Variants in TBC1D5 observed in about 807,000 individuals in gnomAD.
The protein encoded by TBC1D5 is TBC1 domain family member 5.
Under a neutral mutation model 100.3 loss-of-function variants are expected in TBC1D5, and 75 were observed. The ratio of observed to expected loss-of-function variants is 0.75; its 90% confidence interval spans 0.62 to 0.91. The LOEUF is 0.91. Ranked by LOEUF, TBC1D5 falls within the 40% of genes least tolerant of loss-of-function variation. The pLI is 0.00. For synonymous variants in TBC1D5, 323 were observed against 325.6 expected (o/e 0.99, Z 0.09); for missense variants, 910 against 942.4 (o/e 0.97, Z 0.45).
At chr3:17,508,586 G>A (rs1361558067) in exon 3 of TBC1D5, 3 of 1,595,056 alleles carry the variant, frequency 1.9e-6, no homozygotes, top group African/African-American at 1.3e-5. Context: ...GAACTGGACA[G>A]CGTCACCAAA....
At chr3:17,168,350 A>T (rs2066847329) in intron 19 of TBC1D5, among the ~76,000 whole-genome samples, 1 of 152,182 alleles carries the variant, frequency 6.6e-6, no homozygotes, top group Non-Finnish European at 1.5e-5. Flanking sequence ...GGCACTACAG[A>T]TTGTCATTAG....
chr3:17,534,235 A>G (rs1162503585), intron 2 of TBC1D5, among the ~76,000 whole-genome samples: 1 of 152,120 alleles, frequency 6.6e-6, no homozygotes, highest in Non-Finnish European at 1.5e-5. Context: ...CTAACATACT[A>G]TGGGGAGAAA....
chr3:17,706,856 G>C (rs2074234544), intron 1 of TBC1D5, among the ~76,000 whole-genome samples: 1 of 150,364 alleles, frequency 6.7e-6, no homozygotes, highest in Non-Finnish European at 1.5e-5. Flanking sequence ...TTTTAAGAAA[G>C]ACCTTTTTTT....
At chr3:17,303,584 T>C (rs1187645807) in intron 14 of TBC1D5, among the ~76,000 whole-genome samples, 1 of 152,166 alleles carries the variant, frequency 6.6e-6, no homozygotes, top group African/African-American at 2.4e-5. Context: ...CCCCTTCACG[T>C]ACTCCAACCA....
At position 17,374,101 on chromosome 3, in the gene TBC1D5, C is replaced by T. The variant is rs571145391; in HGVS notation, c.822+370G>A. 1.6e-4 allele frequency among the ~76,000 whole-genome samples: 25 copies of T among 152,082 alleles called. No individual in the cohort carries two copies. In the South Asian group the frequency reaches 4.4e-3, roughly 27 times the overall value. On this transcript the variant is annotated intron_variant, in intron 12 of 21. Coordinates refer to ENST00000253692, the Ensembl canonical transcript of TBC1D5. ...GCTAAATGTATGAATTCAATAGCAA[C>T]GCACTGGTAAAAGCAAAACAACCTA...
chr3:17,407,124 T>C (rs552039791), intron 4 of TBC1D5, among the ~76,000 whole-genome samples: 2 of 152,214 alleles, frequency 1.3e-5, no homozygotes, highest in South Asian at 2.1e-4. Flanking sequence ...CTGTAAAAAC[T>C]GTTAAAGGCA....
intron 1 of TBC1D5, among the ~76,000 whole-genome samples, chr3:17,716,053 A>T (rs2075212584): frequency 6.6e-6 from 1 of 151,972 alleles, no homozygotes; most frequent in Non-Finnish European, 1.5e-5. Flanking sequence ...ATTCCATCTC[A>T]AAAAAAAGAA....
At chr3:17,701,187 GAT>G (rs2073134476) in intron 1 of TBC1D5, among the ~76,000 whole-genome samples, 1 of 152,088 alleles carries the variant, frequency 6.6e-6, no homozygotes, top group African/African-American at 2.4e-5. Flanking sequence ...CAGGGACATG[GAT>G]GAAGCTGGAA....
chr3:17,651,800 G>A (rs572535204), intron 1 of TBC1D5, among the ~76,000 whole-genome samples: 1 of 152,112 alleles, frequency 6.6e-6, no homozygotes, highest in African/African-American at 2.4e-5. Flanking sequence ...TAGGTGAGGA[G>A]AAGGTCAGGA....
At chr3:17,640,894 A>G (rs1281874733) in intron 1 of TBC1D5, among the ~76,000 whole-genome samples, 1 of 152,120 alleles carries the variant, frequency 6.6e-6, no homozygotes, top group Non-Finnish European at 1.5e-5. Context: ...TATTAAAGAA[A>G]TCAAATATTC....
chr3:17,505,108 A>C (rs1489956575), intron 3 of TBC1D5, among the ~76,000 whole-genome samples: 1 of 152,224 alleles, frequency 6.6e-6, no homozygotes, highest in Non-Finnish European at 1.5e-5. Flanking sequence ...AAGCTTTGAA[A>C]CAGATAGTAT....
intron 14 of TBC1D5, among the ~76,000 whole-genome samples, chr3:17,303,227 C>T (rs2083039849): frequency 6.6e-6 from 1 of 152,196 alleles, no homozygotes; most frequent in African/African-American, 2.4e-5. Flanking sequence ...TGGAGGACCA[C>T]CTTGCTCTTT....
intron 3 of TBC1D5, among the ~76,000 whole-genome samples, chr3:17,481,486 G>A (rs1345349252): frequency 6.6e-6 from 1 of 152,220 alleles, no homozygotes; most frequent in East Asian, 1.9e-4. Context: ...AGCCTGTGAA[G>A]TAGAGGTTGC....
At chr3:17,361,271 T>C (rs2091681437) in intron 13 of TBC1D5, among the ~76,000 whole-genome samples, 1 of 152,030 alleles carries the variant, frequency 6.6e-6, no homozygotes, top group Non-Finnish European at 1.5e-5. Context: ...GTAAGAATAC[T>C]GGATGTTTCA....
At chr3:17,279,640 C>T (rs1396617070) in intron 15 of TBC1D5, among the ~76,000 whole-genome samples, 1 of 152,130 alleles carries the variant, frequency 6.6e-6, no homozygotes, top group Non-Finnish European at 1.5e-5. Flanking sequence ...AGAGTCTAGG[C>T]TTCTGGTTTT....
At chr3:17,342,862 T>C (rs1358103956) in intron 13 of TBC1D5, among the ~76,000 whole-genome samples, 1 of 152,244 alleles carries the variant, frequency 6.6e-6, no homozygotes, top group Non-Finnish European at 1.5e-5. Context: ...AAAGTGAATG[T>C]ATACTTTTCC....
intron 2 of TBC1D5, among the ~76,000 whole-genome samples, chr3:17,594,816 C>T (rs779089141): frequency 1.3e-5 from 2 of 151,986 alleles, no homozygotes; most frequent in Admixed American, 6.6e-5. Context: ...TCAGGAGATG[C>T]GAATGGGTTC....
intron 3 of TBC1D5, among the ~76,000 whole-genome samples, chr3:17,430,761 T>A (rs1406141125): frequency 2.0e-5 from 3 of 151,832 alleles, no homozygotes; most frequent in Non-Finnish European, 4.4e-5. Context: ...TCCCAGACTC[T>A]TATTTTGGAA....
chr3:17,575,898 C>T (rs1271126069), intron 2 of TBC1D5, among the ~76,000 whole-genome samples: 1 of 151,954 alleles, frequency 6.6e-6, no homozygotes, highest in African/African-American at 2.4e-5. Flanking sequence ...AATTGATATA[C>T]ATTTAGAAAT....
Sources: gnomAD v4.1 joint callset for allele counts (sites outside exome capture counted in the v4.1 genomes callset) on GRCh38, gnomAD v4.1.1 for gene constraint, MANE v1.5 for transcripts, NCBI Gene and HGNC (gene_info 2026-07-23, HGNC 2026-07-21) for gene names.